CWF19L2: variants seen among roughly 807,000 people sequenced by gnomAD.
CWF19L2 encodes the protein CWF19 like cell cycle control factor 2, also known as CWF19-like protein 2.
In CWF19L2, 98 loss-of-function variants were observed where a neutral mutation model predicts 111.7. The observed-to-expected ratio is 0.88, with a 90% CI of 0.75 to 1.04. The LOEUF (loss-of-function observed/expected upper bound fraction) is 1.04, where lower values mean the gene tolerates loss of function less well. Among genes scored for constraint, CWF19L2 ranks in the 50% least tolerant of loss-of-function variants. The probability of loss-of-function intolerance (pLI) is 0.00; values close to 1 mark genes in which losing one functional copy is unlikely to be tolerated. For synonymous variants in CWF19L2, 351 were observed against 342.9 expected (o/e 1.02, Z -0.26); for missense variants, 1,101 against 1,051.4 (o/e 1.05, Z -0.65).
rs552668912 is a variant in CWF19L2 at position 107,353,537 on chromosome 11, G to C, written c.2072C>G (p.Ala691Gly). The change falls in exon 13 of 18, where the codon GCA becomes GGA. Residue 691 changes from alanine to glycine, a missense_variant. Transcript: ENST00000282251. ...SSQFPKHLIV[A>G]IGVKVYLCLP... ...AATACTTCTTACCTTAACACCTATTGCAACAATAAGATGCTTGGGAAATTG... is the reference window on the plus strand; with the variant it reads ...AATACTTCTTACCTTAACACCTATTCCAACAATAAGATGCTTGGGAAATTG... 1 of 1,613,196 alleles carries C rather than the reference G, an allele frequency of 6.2e-7. No individual in the cohort carries two copies. The highest frequency in any genetic ancestry group is 1.3e-5 in the African/African-American group (1 of 74,996).
intron 14 of CWF19L2, among the ~76,000 whole-genome samples, chr11:107,338,968 T>C (rs1430720096): frequency 6.6e-6 from 1 of 152,170 alleles, no homozygotes; most frequent in African/African-American, 2.4e-5. Flanking sequence ...GGTATGCCTC[T>C]AGGTCTTTGA....
intron 11 of CWF19L2, 124 bp from the exon 12 acceptor site, chr11:107,390,335 C>T: frequency 1.3e-6 from 1 of 772,602 alleles, no homozygotes; most frequent in East Asian, 2.9e-5. Flanking sequence ...ACCTTTCCTT[C>T]CAGTTTATCC....
chr11:107,326,998 C>T lies in CWF19L2; in HGVS notation c.2597G>A (p.Arg866Gln), dbSNP rs745399143. ...TTTCCTCTGATCCTCAAAGCTTTCT[C>T]GGATGCCTTTCCTCCAAAGTCTTGG... ...IEPRLWRKGI[R>Q]ESFEDQRKKA... is the part of the protein sequence containing the mutation. The change falls in exon 18 of 18, where the codon CGA becomes CAA. Residue 866 changes from arginine (R) to glutamine (Q), a missense_variant. Arg to Gln is a conservative substitution (Grantham distance 43). Transcript: ENST00000282251. The T allele has an allele frequency of 9.9e-6, 16 of 1,612,090 alleles. No individual in the cohort carries two copies. In the East Asian group the frequency reaches 1.6e-4, roughly 16 times the overall value.
At chr11:107,425,215 C>CACACAA (rs1861358184) in intron 8 of CWF19L2, among the ~76,000 whole-genome samples, 1 of 149,830 alleles carries the variant, frequency 6.7e-6, no homozygotes, top group African/African-American at 2.5e-5. Context: ...CACACACACA[C>CACACAA]AAAGAGGTTG....
intron 6 of CWF19L2, among the ~76,000 whole-genome samples, chr11:107,437,616 G>A (rs916814788): frequency 2.0e-5 from 3 of 152,092 alleles, no homozygotes; most frequent in Non-Finnish European, 4.4e-5. Context: ...GAAAAGAAGT[G>A]GTAAAAGCAT....
chr11:107,330,788 C>T (rs773138942), intron 16 of CWF19L2, among the ~76,000 whole-genome samples: 8 of 130,898 alleles, frequency 6.1e-5, no homozygotes, highest in Non-Finnish European at 1.1e-4. Context: ...AAAGCCCAAA[C>T]TTTGCCACTA....
chr11:107,416,168 T>C, intron 10 of CWF19L2, 41 bp downstream of exon 10: 1 of 462,596 alleles, frequency 2.2e-6, no homozygotes, highest in Non-Finnish European at 3.2e-6. Flanking sequence ...CGGTGGTAGT[T>C]TACACAAGGT....
chr11:107,370,398 T>A lies in CWF19L2; in HGVS notation c.1873-16662A>T, dbSNP rs940924016. ...TTATCATGACAACAGAACCAAATTC[T>A]TTCATTTCCAGATTATTTGAGTCCC... On this transcript the variant is annotated intron_variant, in intron 12 of 17. Transcript: ENST00000282251. Among the ~76,000 whole-genome samples, 4 of 137,484 alleles carry A rather than the reference T, an allele frequency of 2.9e-5. 1 individual carries two copies. Among genetic ancestry groups the A allele is most frequent in the African/African-American group, 1.2e-4 (4 of 34,518 alleles). 90.2% of individuals were successfully genotyped at this position (137,484 alleles called of 152,430 possible).
intron 6 of CWF19L2, among the ~76,000 whole-genome samples, chr11:107,437,019 A>G (rs191943604): frequency 2.6e-4 from 39 of 152,282 alleles, no homozygotes; most frequent in African/African-American, 8.7e-4. Flanking sequence ...AAAATGATTA[A>G]CCTACTTTTC....
chr11:107,441,397 TA>T, intron 5 of CWF19L2, 105 bp downstream of exon 5: 2 of 972,810 alleles, frequency 2.1e-6, no homozygotes, highest in Non-Finnish European at 2.8e-6. Context: ...TTAAATACTA[TA>T]AAAAATAAAA....
chr11:107,350,311 A>G (rs60413796), intron 13 of CWF19L2, among the ~76,000 whole-genome samples: 2,672 of 152,084 alleles, frequency 0.018, 60 homozygotes, highest in African/African-American at 0.06. Context: ...ATGGGGTGCT[A>G]CAGATTGAAT....
chr11:107,339,651 GA>G (rs1427830018), intron 14 of CWF19L2, among the ~76,000 whole-genome samples: 1 of 147,122 alleles, frequency 6.8e-6, no homozygotes, highest in Non-Finnish European at 1.5e-5. Context: ...AATGTTTCAT[GA>G]TGTTGTTTAT....
At chr11:107,407,822 AT>A (rs1861102037) in intron 10 of CWF19L2, among the ~76,000 whole-genome samples, 2 of 152,044 alleles carry the variant, frequency 1.3e-5, no homozygotes, top group Admixed American at 1.3e-4. Context: ...ACCTGAGAAA[AT>A]ACTGTTCATA....
At chr11:107,410,226 T>C (rs1231348240) in intron 10 of CWF19L2, among the ~76,000 whole-genome samples, 1 of 152,170 alleles carries the variant, frequency 6.6e-6, no homozygotes, top group Non-Finnish European at 1.5e-5. Flanking sequence ...GATTTTCCTC[T>C]AGAACGTCAT....
intron 2 of CWF19L2, among the ~76,000 whole-genome samples, chr11:107,455,286 A>T (rs1045928497): frequency 1.3e-5 from 2 of 152,122 alleles, no homozygotes; most frequent in African/African-American, 4.8e-5. Context: ...AAATTTACAC[A>T]ATTATTATTT....
intron 10 of CWF19L2, chr11:107,404,490 G>A: frequency 5.3e-6 from 4 of 753,584 alleles, no homozygotes; most frequent in Non-Finnish European, 7.4e-6. Context: ...TTGTAGGCGA[G>A]ATGACTGTAT....
At chr11:107,443,113 G>T in intron 3 of CWF19L2, 64 bp from the exon 4 acceptor site, 1 of 1,078,852 alleles carries the variant, frequency 9.3e-7, no homozygotes, top group Non-Finnish European at 1.4e-6. Flanking sequence ...AAAATTCTGT[G>T]CTGTTAAGTG....
Position 107,373,721 on chromosome 11 carries a change from C to G in CWF19L2, c.1872+16353G>C, listed in dbSNP as rs572646488. 8.1e-3 allele frequency among the ~76,000 whole-genome samples: 1,078 copies of G among 133,572 alleles called. 213 individuals are homozygous for G. Among genetic ancestry groups the G allele is most frequent in the African/African-American group, 0.031 (1,036 of 33,534 alleles). The allele number at this position is 133,572 out of a possible 152,430, so 87.6% of individuals were successfully genotyped here. On this transcript the variant is annotated intron_variant, in intron 12 of 17. Transcript: ENST00000282251. ...TCTAAAAAGCAGAGCGCCTCTCCTC[C>G]TCCAAAGGAACGCAGTTCCTCACCA...
Position 107,416,823 on chromosome 11 carries a change from T to C in CWF19L2, c.1528-525A>G, listed in dbSNP as rs79600652. Among the ~76,000 whole-genome samples, 571 of 152,308 alleles carry C rather than the reference T, an allele frequency of 3.7e-3. 10 individuals carry two copies. Among genetic ancestry groups the C allele is most frequent in the African/African-American group, 0.013 (546 of 41,574 alleles). On this transcript the variant is annotated intron_variant, in intron 9 of 17. Transcript: ENST00000282251. ...GTAGATTTATGTGACATGCAAAGAA[T>C]AGCAAGCACCACCACAGTGTTCTTC...
Sources: gnomAD v4.1 joint callset for allele counts (sites outside exome capture counted in the v4.1 genomes callset) on GRCh38, gnomAD v4.1.1 for gene constraint, MANE v1.5 for transcripts, NCBI Gene and HGNC (gene_info 2026-07-23, HGNC 2026-07-21) for gene names.